The following RBM10 variants were observed in gnomAD, a reference collection of about 807,000 sequenced individuals.
The protein encoded by RBM10 is RNA binding motif protein 10, also known as RNA-binding protein 10.
A neutral mutation model predicts 84.9 loss-of-function variants in RBM10; 1 was observed. The observed-to-expected ratio is 0.01, with a 90% CI of 0.00 to 0.06. The LOEUF (loss-of-function observed/expected upper bound fraction) is 0.06, where lower values mean the gene tolerates loss of function less well. RBM10 is among the 10% of genes least tolerant of loss of function. The pLI, the probability that RBM10 is intolerant of heterozygous loss-of-function variation, is 1.00. For synonymous variants in RBM10, 326 were observed against 344.5 expected, an observed-to-expected ratio of 0.95 and a Z score of 0.60; for missense variants, 438 against 839.0, an observed-to-expected ratio of 0.52 and a Z score of 5.90.
At chrX:47,182,610 C>T (rs1311337006) in intron 17 of RBM10, among the ~76,000 whole-genome samples, 1 of 113,012 alleles carries the variant, frequency 8.8e-6, no homozygotes, top group Non-Finnish European at 1.9e-5. Flanking sequence ...GGTGGGGACC[C>T]TCACATTCTG....
chrX:47,169,359 G>T lies in RBM10; in HGVS notation c.62G>T (p.Arg21Leu), dbSNP rs1934465408. 8.3e-7 allele frequency: 1 copy of T among 1,211,587 alleles called. No homozygotes were observed. The highest frequency in any genetic ancestry group is 1.1e-6 in the Non-Finnish European group (1 of 895,208). Reference sequence around the variant, plus strand: ...ACTGGCCGCTATGGAGCCACTGACCGCTCGCAGGATGATGGTGGGGAGAAC... The same window carrying T: ...ACTGGCCGCTATGGAGCCACTGACCTCTCGCAGGATGATGGTGGGGAGAAC... ...DRTGRYGATD[R>L]SQDDGGENRS... is the part of the protein sequence containing the mutation. Residue 21 changes from arginine to leucine, a missense_variant, in exon 3 of 24, where the codon CGC becomes CTC. Arg to Leu is a moderately radical substitution (Grantham distance 102). Coordinates refer to ENST00000377604, the MANE Select transcript of RBM10 (RefSeq NM_005676.5).
intron 2 of RBM10, 63 bp downstream of exon 2, chrX:47,147,561 A>T (rs2147066891): frequency 8.5e-7 from 1 of 1,172,015 alleles, no homozygotes; most frequent in Non-Finnish European, 1.2e-6. Context: ...GAATTGATCC[A>T]AGAAGGTGCT....
chrX:47,147,929 T>C (rs1448818678), intron 2 of RBM10, among the ~76,000 whole-genome samples: 1 of 111,238 alleles, frequency 9.0e-6, no homozygotes, highest in Non-Finnish European at 1.9e-5. Flanking sequence ...GAATGGATAC[T>C]CTCAGACAGT....
At chrX:47,182,109 G>T (rs1935593876) in intron 16 of RBM10, 53 bp from the exon 17 acceptor site, 1 of 1,211,328 alleles carries the variant, frequency 8.3e-7, no homozygotes, top group Non-Finnish European at 1.1e-6. Context: ...AGCCCTGCAG[G>T]TTCCCTTCAC....
At chrX:47,169,201 G>A in intron 2 of RBM10, 114 bp from the exon 3 acceptor site, 1 of 649,528 alleles carries the variant, frequency 1.5e-6, no homozygotes, top group East Asian at 3.5e-5. Flanking sequence ...CCTCACTTCT[G>A]TTGTATGCTC....
Position 47,145,221 on chromosome X carries a change from A to G in RBM10, c.-390A>G. On this transcript the variant is annotated 5_prime_UTR_variant, in exon 1 of 24. Coordinates refer to ENST00000377604, the MANE Select transcript of RBM10 (RefSeq NM_005676.5). ...GGGGCCGGCCAGAGCGCGCTTCCTT[A>G]GTAGGTGGATGGTGGTCGGAGCGCC... 2.3e-6 allele frequency: 1 copy of G among 442,193 alleles called. No individual in the cohort carries two copies. The highest frequency in any genetic ancestry group is 4.0e-6 in the Non-Finnish European group (1 of 251,635). The allele number at this position is 442,193 out of a possible 1,213,427, so 36.4% of individuals were successfully genotyped here.
intron 2 of RBM10, among the ~76,000 whole-genome samples, chrX:47,148,881 T>C (rs1465613694): frequency 1.6e-5 from 1 of 62,795 alleles, no homozygotes; most frequent in Non-Finnish European, 3.0e-5. Context: ...CCTTCTATGA[T>C]ACATATCATA....
chrX:47,162,650 C>T (rs898399500), intron 2 of RBM10, among the ~76,000 whole-genome samples: 16 of 109,658 alleles, frequency 1.5e-4, no homozygotes, highest in Middle Eastern at 4.7e-3. Context: ...GCGAGGGGGG[C>T]GGATCGTGAA....
chrX:47,179,227 G>T (rs782362377), intron 8 of RBM10, 64 bp downstream of exon 8: 18 of 1,193,180 alleles, frequency 1.5e-5, no homozygotes, highest in Non-Finnish European at 2.0e-5. Context: ...GAAGGGTGAG[G>T]GGTCTGTGCT....
At position 47,186,463 on chromosome X, in the gene RBM10, C is replaced by T. The variant is rs1307812601; in HGVS notation, c.2668-11C>T. 8.3e-7 allele frequency: 1 copy of T among 1,204,675 alleles called. No individual in the cohort carries two copies. Among genetic ancestry groups the T allele is most frequent in the African/African-American group, 1.7e-5 (1 of 57,517 alleles). Reference sequence around the variant, plus strand: ...CCCACCAGCCTGACAGAGCCTGCCTCCCTCACACAGGCCCAAACACGGGTG... The same window carrying T: ...CCCACCAGCCTGACAGAGCCTGCCTTCCTCACACAGGCCCAAACACGGGTG... On this transcript the variant is annotated splice_polypyrimidine_tract_variant and intron_variant, in intron 23 of 23. Transcript: ENST00000377604.
chrX:47,161,609 C>T (rs1384655824), intron 2 of RBM10, among the ~76,000 whole-genome samples: 1 of 102,495 alleles, frequency 9.8e-6, no homozygotes, highest in African/African-American at 3.7e-5. Context: ...TGGCTCACTG[C>T]ATCCTTGACC....
At chrX:47,158,293 T>G (rs1933341219) in intron 2 of RBM10, 1 of 129,192 alleles carries the variant, frequency 7.7e-6, no homozygotes, top group Admixed American at 9.0e-5. Context: ...GGGCACCCCC[T>G]GGTGGCAGGG....
chrX:47,156,061 G>A (rs1933120034), intron 2 of RBM10, among the ~76,000 whole-genome samples: 1 of 109,472 alleles, frequency 9.1e-6, no homozygotes, highest in Non-Finnish European at 1.9e-5. Flanking sequence ...TGCCTGCCTC[G>A]GCCTCCCAAA....
At chrX:47,150,318 G>A (rs782322481) in intron 2 of RBM10, among the ~76,000 whole-genome samples, 172 of 110,107 alleles carry the variant, frequency 1.6e-3, no homozygotes, top group African/African-American at 5.1e-3. Context: ...ACAGGCGCCC[G>A]CCACCACACC....
At chrX:47,162,032 G>A (rs782204599) in intron 2 of RBM10, among the ~76,000 whole-genome samples, 1 of 110,997 alleles carries the variant, frequency 9.0e-6, no homozygotes, top group African/African-American at 3.3e-5. Context: ...TAGTAGAGAC[G>A]GGGTTTCACC....
intron 2 of RBM10, among the ~76,000 whole-genome samples, chrX:47,155,422 T>C (rs1371115221): frequency 2.7e-5 from 3 of 110,659 alleles, no homozygotes; most frequent in South Asian, 3.8e-4. Context: ...ATTTCAAGCA[T>C]GTAGCAAAGT....
At chrX:47,178,267 A>G (rs1342918500) in intron 7 of RBM10, among the ~76,000 whole-genome samples, 1 of 110,487 alleles carries the variant, frequency 9.1e-6, no homozygotes, top group Non-Finnish European at 1.9e-5. Context: ...ACTCTCCCAC[A>G]CCAGTTTCGG....
intron 3 of RBM10, 83 bp downstream of exon 3, chrX:47,169,581 G>C: frequency 9.9e-7 from 1 of 1,010,080 alleles, no homozygotes; most frequent in East Asian, 3.3e-5. Flanking sequence ...ACCGTGTGCA[G>C]GCAGCTCTCC....
intron 2 of RBM10, chrX:47,157,549 TC>T: frequency 2.3e-6 from 1 of 434,076 alleles, no homozygotes; most frequent in South Asian, 3.1e-5. Flanking sequence ...ATCTCAATCT[TC>T]CAGATGAGTT....
Sources: allele counts gnomAD v4.1 joint callset (sites outside exome capture counted in the v4.1 genomes callset), GRCh38; gene constraint gnomAD v4.1.1; transcripts MANE v1.5; gene names NCBI Gene and HGNC (gene_info 2026-07-23, HGNC 2026-07-21).